Variants in GPC6 observed in about 807,000 individuals in gnomAD.
GPC6 encodes glypican 6, also known as glypican-6.
GPC6 carries 14 observed loss-of-function variants against 55.2 expected under a neutral mutation model. The ratio of observed to expected loss-of-function variants is 0.25; its 90% confidence interval spans 0.17 to 0.40. The LOEUF (loss-of-function observed/expected upper bound fraction) is 0.40, where lower values mean the gene tolerates loss of function less well. Among genes scored for constraint, GPC6 ranks in the 10% least tolerant of loss-of-function variants. GPC6 has a pLI of 1.00. For missense variants in GPC6, 641 were observed against 708.5 expected (o/e 0.90, Z 1.08); for synonymous variants, 278 against 259.6 (o/e 1.07, Z -0.68).
At chr13:93,613,130 C>T (rs1263210650) in intron 2 of GPC6, among the ~76,000 whole-genome samples, 1 of 152,092 alleles carries the variant, frequency 6.6e-6, no homozygotes, top group Non-Finnish European at 1.5e-5. Context: ...TGGGCAAGAA[C>T]AGAGGTGTAC....
chr13:94,199,916 G>A (rs1404613272), intron 4 of GPC6, among the ~76,000 whole-genome samples: 1 of 152,094 alleles, frequency 6.6e-6, no homozygotes, highest in Non-Finnish European at 1.5e-5. Context: ...CAGTACTTTG[G>A]GAGGCCAGGG....
intron 2 of GPC6, among the ~76,000 whole-genome samples, chr13:93,696,536 T>G (rs1406665700): frequency 3.3e-5 from 5 of 151,934 alleles, no homozygotes; most frequent in Non-Finnish European, 7.4e-5. Context: ...CCTCCCCCTT[T>G]TTTTCCTTTT....
intron 1 of GPC6, among the ~76,000 whole-genome samples, chr13:93,484,080 A>C (rs9524085): frequency 0.12 from 18,204 of 152,104 alleles, 1,371 homozygotes; most frequent in East Asian, 0.29. Flanking sequence ...AAAAGTATTA[A>C]AATTTTGTAA....
intron 1 of GPC6, among the ~76,000 whole-genome samples, chr13:93,334,910 T>A (rs989608116): frequency 6.6e-6 from 1 of 152,242 alleles, no homozygotes; most frequent in Non-Finnish European, 1.5e-5. Flanking sequence ...TTATGAGTCT[T>A]ATAATATTTT....
chr13:93,723,550 C>A (rs1883526081), intron 2 of GPC6, among the ~76,000 whole-genome samples: 1 of 151,942 alleles, frequency 6.6e-6, no homozygotes, highest in African/African-American at 2.4e-5. Context: ...GTCAACTAAG[C>A]CACACTAAAA....
chr13:94,318,929 ATC>A (rs548377895), intron 6 of GPC6, among the ~76,000 whole-genome samples: 3 of 152,182 alleles, frequency 2.0e-5, no homozygotes, highest in Admixed American at 6.5e-5. Flanking sequence ...TAACTGAAAT[ATC>A]TTTTTTCATT....
At chr13:93,682,796 C>T (rs1233946407) in intron 2 of GPC6, among the ~76,000 whole-genome samples, 2 of 149,928 alleles carry the variant, frequency 1.3e-5, no homozygotes, top group African/African-American at 4.9e-5. Context: ...CCTCTTGAGC[C>T]CAGGAGTTTG....
intron 7 of GPC6, among the ~76,000 whole-genome samples, chr13:94,385,479 T>C (rs1880361918): frequency 6.6e-6 from 1 of 152,222 alleles, no homozygotes; most frequent in Admixed American, 6.5e-5. Context: ...TTTAATGCAA[T>C]GAAATCACTT....
chr13:93,259,635 T>C (rs1029687368), intron 1 of GPC6, among the ~76,000 whole-genome samples: 1 of 152,148 alleles, frequency 6.6e-6, no homozygotes, highest in Non-Finnish European at 1.5e-5. Flanking sequence ...AGTCAGTTTG[T>C]TATTATAGGG....
chr13:94,369,058 T>A (rs976418223), intron 6 of GPC6, among the ~76,000 whole-genome samples: 1 of 152,178 alleles, frequency 6.6e-6, no homozygotes, highest in African/African-American at 2.4e-5. Context: ...CTCCAGCCTA[T>A]AAAATATTCA....
intron 4 of GPC6, among the ~76,000 whole-genome samples, chr13:94,222,124 A>G (rs1890403907): frequency 6.6e-6 from 1 of 151,964 alleles, no homozygotes; most frequent in Non-Finnish European, 1.5e-5. Flanking sequence ...ATCCATTACC[A>G]TTAAGATTAA....
At chr13:93,950,192 TTAAA>T (rs1235277221) in intron 3 of GPC6, among the ~76,000 whole-genome samples, 3 of 152,252 alleles carry the variant, frequency 2.0e-5, no homozygotes, top group Middle Eastern at 3.4e-3. Context: ...ACGATAAAAA[TTAAA>T]TAAATAAGTA....
rs116969866 is a variant in GPC6, at chr13:94,168,470, T to A, written c.878-117879T>A. Among the ~76,000 whole-genome samples the A allele has an allele frequency of 7.6e-3, 1,160 of 152,204 alleles. 9 individuals are homozygous for A. Among genetic ancestry groups the A allele is most frequent in the Non-Finnish European group, 0.013 (857 of 68,016 alleles). On this transcript the variant is annotated intron_variant, in intron 4 of 8. Transcript: ENST00000377047. The stretch of plus-strand genomic sequence containing the variant: ...ATATCATCATTCCCCTAATAACATT[T>A]TTATGTCTTCCAAGTAGTGCTAAGT...
the GPC6 span, among the ~76,000 whole-genome samples, chr13:93,218,279 A>G: frequency 6.6e-6 from 1 of 152,200 alleles, no homozygotes; most frequent in East Asian, 1.9e-4. Context: ...GTGAAGGCAA[A>G]TAGACCATAT....
At chr13:93,400,005 AAAT>A (rs1333669957) in intron 1 of GPC6, among the ~76,000 whole-genome samples, 1 of 152,316 alleles carries the variant, frequency 6.6e-6, no homozygotes, top group East Asian at 1.9e-4. Context: ...CAGTAAATTG[AAAT>A]AATCGCATAA....
chr13:93,233,722 A>G (rs1241445044), intron 1 of GPC6, among the ~76,000 whole-genome samples: 1 of 152,118 alleles, frequency 6.6e-6, no homozygotes, highest in African/African-American at 2.4e-5. Flanking sequence ...AAGGGGCACA[A>G]ATTTCCTGTG....
intron 1 of GPC6, among the ~76,000 whole-genome samples, chr13:93,471,422 T>G (rs1486376882): frequency 6.6e-6 from 1 of 150,908 alleles, no homozygotes; most frequent in South Asian, 2.1e-4. Flanking sequence ...CCCAGCTACT[T>G]GAGAGGCTGA....
At chr13:93,339,166 A>C (rs747375851) in intron 1 of GPC6, among the ~76,000 whole-genome samples, 3 of 152,154 alleles carry the variant, frequency 2.0e-5, no homozygotes, top group Non-Finnish European at 4.4e-5. Context: ...CCTAGTTCTC[A>C]TCTTTAAGCA....
intron 1 of GPC6, among the ~76,000 whole-genome samples, chr13:93,310,723 G>A (rs1242260940): frequency 6.6e-6 from 1 of 152,106 alleles, no homozygotes; most frequent in Non-Finnish European, 1.5e-5. Context: ...CATGTCCATG[G>A]AGAGAAGACG....
Sources: allele counts gnomAD v4.1 joint callset (sites outside exome capture counted in the v4.1 genomes callset), GRCh38; gene constraint gnomAD v4.1.1; transcripts MANE v1.5; gene names NCBI Gene and HGNC (gene_info 2026-07-23, HGNC 2026-07-21).